The following PIK3AP1 variants were observed in gnomAD, a reference collection of about 807,000 sequenced individuals.
The protein encoded by PIK3AP1 is phosphoinositide-3-kinase adaptor protein 1, also known as phosphoinositide 3-kinase adapter protein 1.
Under a neutral mutation model 88.1 loss-of-function variants are expected in PIK3AP1, and 21 were observed. The observed-to-expected ratio is 0.24, with a 90% CI of 0.17 to 0.34. The LOEUF (loss-of-function observed/expected upper bound fraction) is 0.34, where lower values mean the gene tolerates loss of function less well. Among genes scored for constraint, PIK3AP1 ranks in the 10% least tolerant of loss-of-function variants. The pLI, the probability that PIK3AP1 is intolerant of heterozygous loss-of-function variation, is 1.00. For synonymous variants in PIK3AP1, 398 were observed against 400.0 expected (o/e 1.00, Z 0.06); for missense variants, 828 against 1,035.7 (o/e 0.80, Z 2.75).
rs933242774 is a variant in PIK3AP1 at position 96,720,238 on chromosome 10, AG to A, written c.13+143del. The A allele has an allele frequency of 1.2e-6, 1 of 859,300 alleles. No homozygotes were observed. Among genetic ancestry groups the A allele is most frequent in the African/African-American group, 1.8e-5 (1 of 56,658 alleles). 53.2% of individuals were successfully genotyped at this position (859,300 alleles called of 1,614,324 possible). ...AAAGTTGGAGTGGGAAGTTTGCGAC[AG>A]GGAACATAGAAAAGAGCAGAAAGAG... is the stretch of plus-strand genomic sequence containing the variant. On this transcript the variant is annotated intron_variant, in intron 1 of 16. Coordinates refer to ENST00000339364, the MANE Select transcript of PIK3AP1 (RefSeq NM_152309.3). The surrounding 1 kb of genome is among the most constrained non-coding windows in gnomAD (Gnocchi z 4.6).
intron 10 of PIK3AP1, among the ~76,000 whole-genome samples, chr10:96,623,823 C>A (rs1008160464): frequency 6.6e-6 from 1 of 152,136 alleles, no homozygotes; most frequent in African/African-American, 2.4e-5. Flanking sequence ...CCCTGAGAAC[C>A]TGAAGCTAGC....
At chr10:96,633,541 G>C (rs1191131953) in intron 8 of PIK3AP1, among the ~76,000 whole-genome samples, 1 of 152,184 alleles carries the variant, frequency 6.6e-6, no homozygotes, top group Non-Finnish European at 1.5e-5. Context: ...CATAGGAAGT[G>C]CTGAAGGAAT....
At chr10:96,695,392 C>A (rs1844206774) in intron 2 of PIK3AP1, among the ~76,000 whole-genome samples, 1 of 152,168 alleles carries the variant, frequency 6.6e-6, no homozygotes, top group African/African-American at 2.4e-5. Flanking sequence ...GCAACTACAG[C>A]CTCAAACATT....
Position 96,709,770 on chromosome 10 carries a change from A to C in PIK3AP1, c.227T>G (p.Val76Gly), listed in dbSNP as rs770097737. 18 of 1,613,690 alleles carry C rather than the reference A, an allele frequency of 1.1e-5. No individual in the cohort carries two copies. In the South Asian group the frequency reaches 2.0e-4, roughly 18 times the overall value. The change falls in exon 2 of 17, where the codon GTG becomes GGG. Residue 76 changes from valine to glycine, a missense_variant. Val to Gly is a moderately radical substitution (Grantham distance 109). Coordinates refer to ENST00000339364, the MANE Select transcript of PIK3AP1 (RefSeq NM_152309.3). ...CVVVLLSAEL[V>G]QHFHKPALLP... ...CAAGGCGGGCTTGTGGAAGTGCTGC[A>C]CCAGCTCCGCGGACAGCAGCACCAC...
intron 2 of PIK3AP1, chr10:96,700,805 T>C: frequency 1.0e-6 from 1 of 985,598 alleles, no homozygotes; most frequent in Non-Finnish European, 1.2e-6. Flanking sequence ...TGACTTACCA[T>C]CTGCGAGGCC....
At chr10:96,612,970 ATATATATATATATTTTTTTTTTTTTTT>A (rs1564954810) in intron 13 of PIK3AP1, among the ~76,000 whole-genome samples, 19 of 107,198 alleles carry the variant, frequency 1.8e-4, no homozygotes, top group Middle Eastern at 4.9e-3. Context: ...ATATATATAT[ATATATATATATATTTTTTTTTTTTTTT>A]TTTTTTTTTT....
chr10:96,691,534 T>C (rs535888565), intron 2 of PIK3AP1, among the ~76,000 whole-genome samples: 9 of 152,296 alleles, frequency 5.9e-5, no homozygotes, highest in Non-Finnish European at 7.3e-5. Flanking sequence ...TGGGACCTAA[T>C]TGCAATAATT....
At chr10:96,679,527 C>CAA (rs767346365) in intron 2 of PIK3AP1, among the ~76,000 whole-genome samples, 9 of 134,838 alleles carry the variant, frequency 6.7e-5, no homozygotes, top group South Asian at 2.3e-4. Flanking sequence ...GACTCCGTCT[C>CAA]AAAAAAAAAA....
At chr10:96,652,256 T>C (rs1843548478) in intron 4 of PIK3AP1, among the ~76,000 whole-genome samples, 1 of 151,972 alleles carries the variant, frequency 6.6e-6, no homozygotes, top group Non-Finnish European at 1.5e-5. Flanking sequence ...GAAATGCATA[T>C]GAAAACAATG....
intron 2 of PIK3AP1, among the ~76,000 whole-genome samples, chr10:96,704,067 A>G (rs1384610647): frequency 2.6e-5 from 4 of 152,202 alleles, no homozygotes; most frequent in Non-Finnish European, 4.4e-5. Context: ...AAAGATTGTG[A>G]TCTCAGTAGC....
chr10:96,686,555 A>G (rs1431656272), intron 2 of PIK3AP1, among the ~76,000 whole-genome samples: 1 of 152,200 alleles, frequency 6.6e-6, no homozygotes, highest in East Asian at 1.9e-4. Context: ...CAAAAAAGAT[A>G]CAGATTTTCC....
intron 2 of PIK3AP1, among the ~76,000 whole-genome samples, chr10:96,707,337 G>A (rs1416911700): frequency 6.6e-6 from 1 of 152,180 alleles, no homozygotes; most frequent in Non-Finnish European, 1.5e-5. Flanking sequence ...CTGTCGCCCA[G>A]GCTGGAGTGC....
At chr10:96,668,150 T>C (rs1843791955) in intron 2 of PIK3AP1, among the ~76,000 whole-genome samples, 1 of 152,174 alleles carries the variant, frequency 6.6e-6, no homozygotes, top group South Asian at 2.1e-4. Flanking sequence ...TTAATGCCAA[T>C]GAATTGTATA....
At chr10:96,627,957 A>G (rs1219749766) in intron 9 of PIK3AP1, among the ~76,000 whole-genome samples, 4 of 152,168 alleles carry the variant, frequency 2.6e-5, no homozygotes, top group Admixed American at 2.6e-4. Flanking sequence ...CCTAACCACT[A>G]TACAACACAG....
rs755115446 is a variant in PIK3AP1 at position 96,608,743 on chromosome 10, G to C, written c.2170+969C>G. ...CCAAAGTATGTATCAGATTCTCAAG[G>C]GGCTTTGTGATGCAGAAAAGATTAA... On this transcript the variant is annotated intron_variant, in intron 14 of 16. Coordinates refer to ENST00000339364, the MANE Select transcript of PIK3AP1 (RefSeq NM_152309.3). 7.5e-4 allele frequency among the ~76,000 whole-genome samples: 114 copies of C among 152,270 alleles called. 2 individuals are homozygous for C. In the Middle Eastern group the frequency reaches 0.014, roughly 18 times the overall value.
At chr10:96,632,779 A>G (rs1589502101) in intron 8 of PIK3AP1, 1 of 1,384,098 alleles carries the variant, frequency 7.2e-7, no homozygotes, top group East Asian at 2.4e-5. Context: ...TTAGGATCGC[A>G]ATGCATAGGT....
chr10:96,678,232 G>C (rs1843952182), intron 2 of PIK3AP1, among the ~76,000 whole-genome samples: 1 of 152,088 alleles, frequency 6.6e-6, no homozygotes, highest in Non-Finnish European at 1.5e-5. Flanking sequence ...TCAGGAGTTC[G>C]AGACCAGCCT....
At chr10:96,627,090 C>T (rs1329517844) in intron 9 of PIK3AP1, among the ~76,000 whole-genome samples, 185 bp from the exon 10 acceptor site, 1 of 152,254 alleles carries the variant, frequency 6.6e-6, no homozygotes, top group East Asian at 1.9e-4. Flanking sequence ...AGAAAACACT[C>T]ATGTCACCTC....
At chr10:96,654,970 C>T (rs1320438639) in intron 3 of PIK3AP1, among the ~76,000 whole-genome samples, 1 of 152,194 alleles carries the variant, frequency 6.6e-6, no homozygotes, top group East Asian at 1.9e-4. Flanking sequence ...GGTTGCTTGG[C>T]CCCCGCCAGT....
Sources: gnomAD v4.1 joint callset for allele counts (sites outside exome capture counted in the v4.1 genomes callset) on GRCh38, gnomAD v4.1.1 for gene constraint, Gnocchi (gnomAD v3.1) non-coding constraint, MANE v1.5 for transcripts, NCBI Gene and HGNC (gene_info 2026-07-23, HGNC 2026-07-21) for gene names.